Variants in TRIM66 observed in about 807,000 individuals in gnomAD.
The protein encoded by TRIM66 is tripartite motif containing 66, also known as tripartite motif-containing protein 66.
A neutral mutation model predicts 148.2 loss-of-function variants in TRIM66; 99 were observed. The observed-to-expected ratio is 0.67, with a 90% CI of 0.57 to 0.79. The LOEUF (loss-of-function observed/expected upper bound fraction) is 0.79, where lower values mean the gene tolerates loss of function less well. Among genes scored for constraint, TRIM66 ranks in the 30% least tolerant of loss-of-function variants. The pLI is 0.00. For missense variants in TRIM66, 1,666 were observed against 1,697.9 expected (o/e 0.98, Z 0.33); for synonymous variants, 616 against 635.9 (o/e 0.97, Z 0.47).
intron 15 of TRIM66, among the ~76,000 whole-genome samples, chr11:8,638,303 G>A (rs1193325526): frequency 6.6e-6 from 1 of 152,234 alleles, no homozygotes; most frequent in African/African-American, 2.4e-5. Context: ...CAATGGGGAT[G>A]CTCACTTCCA....
intron 15 of TRIM66, among the ~76,000 whole-genome samples, chr11:8,633,702 A>G (rs535034067): frequency 3.3e-5 from 5 of 152,180 alleles, no homozygotes; most frequent in Non-Finnish European, 5.9e-5. Flanking sequence ...AGGACCCACA[A>G]TCTGATCCAT....
chr11:8,618,661 C>A (rs983120942), intron 24 of TRIM66, 89 bp downstream of exon 24: 24 of 1,259,514 alleles, frequency 1.9e-5, no homozygotes, highest in Non-Finnish European at 2.4e-5. Context: ...TTTGCACCAC[C>A]CGAACAGCTT....
intron 10 of TRIM66, among the ~76,000 whole-genome samples, chr11:8,647,096 TATAATGTTTATTATAAACATATA>T (rs1565531603): frequency 2.0e-5 from 3 of 149,382 alleles, no homozygotes; most frequent in South Asian, 4.2e-4. Flanking sequence ...AAACATATAA[TATAATGTTTATTATAAACATATA>T]ATAATGTTTA....
chr11:8,622,365 C>CAT (rs1217954064), intron 18 of TRIM66, among the ~76,000 whole-genome samples: 7,623 of 59,902 alleles, frequency 0.13, 1,326 homozygotes, highest in Middle Eastern at 0.28. Context: ...CACACACACA[C>CAT]ATATATATAT....
At position 8,622,365 on chromosome 11, in the gene TRIM66, C is replaced by CACACACACACATATATAT; in HGVS notation, c.3080+450_3080+451insATATATATGTGTGTGTGT. 4.0e-3 allele frequency among the ~76,000 whole-genome samples: 239 copies of CACACACACACATATATAT among 59,588 alleles called. 25 individuals are homozygous for CACACACACACATATATAT. Among genetic ancestry groups the CACACACACACATATATAT allele is most frequent in the Middle Eastern group, 0.017 (2 of 120 alleles). 39.1% of individuals were successfully genotyped at this position (59,588 alleles called of 152,430 possible). A position where few individuals can be genotyped will look rare whatever the true frequency, so the allele number is the denominator to read the frequency against. ...ACACACACACACACACACACACACA[C>CACACACACACATATATAT]ATATATATATATATATATCTCCTAC... On this transcript the variant is annotated intron_variant, in intron 18 of 24. Coordinates refer to ENST00000646038, the MANE Select transcript of TRIM66 (RefSeq NM_001388022.1).
At chr11:8,667,688 C>A (rs1451204291) in intron 6 of TRIM66, among the ~76,000 whole-genome samples, 1 of 152,214 alleles carries the variant, frequency 6.6e-6, no homozygotes, top group Non-Finnish European at 1.5e-5. Context: ...GACAGGCTTA[C>A]CTCATTTAGC....
rs143841252 is a variant in TRIM66 at position 8,676,520 on chromosome 11, G to A, written c.-189-1637C>T. On this transcript the variant is annotated intron_variant, in intron 3 of 24. Coordinates refer to ENST00000646038, the MANE Select transcript of TRIM66 (RefSeq NM_001388022.1). Reference sequence around the variant, plus strand: ...TGCATCACAATCCTGGGAATTCAGGGAGGTAGCATGGCTTTCCACCACCAG... The same window carrying A: ...TGCATCACAATCCTGGGAATTCAGGAAGGTAGCATGGCTTTCCACCACCAG... Among the ~76,000 whole-genome samples, 1,092 of 152,258 alleles carry A rather than the reference G, an allele frequency of 7.2e-3. 11 individuals carry two copies. Among genetic ancestry groups the A allele is most frequent in the African/African-American group, 0.025 (1,044 of 41,544 alleles).
chr11:8,627,114 T>C (rs2034924664), intron 15 of TRIM66, among the ~76,000 whole-genome samples: 1 of 152,250 alleles, frequency 6.6e-6, no homozygotes, highest in Non-Finnish European at 1.5e-5. Context: ...CAATCCGTGA[T>C]ATCATTTGAT....
intron 6 of TRIM66, among the ~76,000 whole-genome samples, chr11:8,655,782 C>CA (rs1227743498): frequency 1.3e-5 from 2 of 148,688 alleles, no homozygotes; most frequent in South Asian, 2.1e-4. Context: ...ACTCTGTCTC[C>CA]AAAAAAAATT....
At chr11:8,679,010 G>A (rs2039304164) in intron 3 of TRIM66, 1 of 152,244 alleles carries the variant, frequency 6.6e-6, no homozygotes, top group African/African-American at 2.4e-5. Context: ...AGGAAGCCCA[G>A]ATGCCTGAGA....
chr11:8,668,928 T>C (rs774837491), intron 6 of TRIM66, among the ~76,000 whole-genome samples: 4 of 152,146 alleles, frequency 2.6e-5, no homozygotes, highest in Non-Finnish European at 4.4e-5. Flanking sequence ...ACATTGCAGA[T>C]CTCCTGAGGT....
chr11:8,640,320 AGGAGATTT>A lies in TRIM66; in HGVS notation c.2047_2054del (p.Lys683SerfsTer35). 1 of 1,551,626 alleles carries A rather than the reference AGGAGATTT, an allele frequency of 6.4e-7. No homozygotes were observed. The highest frequency in any genetic ancestry group is 8.7e-7 in the Non-Finnish European group (1 of 1,146,952). ...CCACAATGGTTTGCTGAAGATGCTG[AGGAGATTT>A]GGTCTGACTCAGTTGCAGGCTGGGC... On this transcript the variant is annotated frameshift_variant, in exon 14 of 25. Coordinates refer to ENST00000646038, the MANE Select transcript of TRIM66 (RefSeq NM_001388022.1). LOFTEE classifies it high-confidence loss of function.
rs2036256770 is a variant in TRIM66 at position 8,640,342 on chromosome 11, T to A, written c.2033A>T (p.Gln678Leu). The change falls in exon 14 of 25, where the codon CAA (glutamine) becomes CTA (leucine). Residue 678 changes from glutamine (Q) to leucine (L), a missense_variant. Physicochemically the swap from Gln to Leu is moderately radical, Grantham distance 113. This residue lies in a region of TRIM66 where 1,431 missense variants were observed against 1,412.4 expected (regional missense o/e 1.01). Transcript: ENST00000646038. ...LLLQAQQPSLQLSQTKSPQHL... is the reference protein window; with the variant it reads ...LLLQAQQPSLLLSQTKSPQHL... Reference sequence around the variant, plus strand: ...CTGAGGAGATTTGGTCTGACTCAGTTGCAGGCTGGGCTGTTGAGCCTGGAG... The same window carrying A: ...CTGAGGAGATTTGGTCTGACTCAGTAGCAGGCTGGGCTGTTGAGCCTGGAG... 2 of 1,551,790 alleles carry A rather than the reference T, an allele frequency of 1.3e-6. No individual in the cohort carries two copies. The highest frequency in any genetic ancestry group is 1.7e-6 in the Non-Finnish European group (2 of 1,147,042).
At position 8,669,027 on chromosome 11, in the gene TRIM66, T is replaced by C. The variant is rs115831081; in HGVS notation, c.340+2759A>G. Among the ~76,000 whole-genome samples, 1,419 of 152,284 alleles carry C rather than the reference T, an allele frequency of 9.3e-3. 25 individuals carry two copies. The highest frequency in any genetic ancestry group is 0.032 in the African/African-American group (1,324 of 41,540). On this transcript the variant is annotated intron_variant, in intron 6 of 24. Coordinates refer to ENST00000646038, the MANE Select transcript of TRIM66 (RefSeq NM_001388022.1). ...ACAATACAGATTCAAAGGAAACAAA[T>C]AGACTTCACCTCTTGGTGGGATGGG...
In TRIM66 at chr11:8,646,528, C is replaced by T. The variant is rs1320016629; in HGVS notation, c.876G>A (p.Val292=). The T allele has an allele frequency of 6.4e-7, 1 of 1,551,940 alleles. No homozygotes were observed. Among genetic ancestry groups the T allele is most frequent in the South Asian group, 1.2e-5 (1 of 84,060 alleles). Reference sequence around the variant, plus strand: ...TCTTGGCCATTTTGATCTGGTTTTCCACCTTCCTATGCTGATGCTTCACTT... The same window carrying T: ...TCTTGGCCATTTTGATCTGGTTTTCTACCTTCCTATGCTGATGCTTCACTT... ...IFEVKHQHRK[V]ENQIKMAKMV... The change falls in exon 11 of 25, where the codon GTG becomes GTA. Residue 292 remains valine, a synonymous_variant. Transcript: ENST00000646038.
At chr11:8,619,273 C>G (rs1272523351) in intron 23 of TRIM66, 110 bp downstream of exon 23, 1 of 1,286,404 alleles carries the variant, frequency 7.8e-7, no homozygotes, top group Non-Finnish European at 1.0e-6. Flanking sequence ...AGAATCTGCT[C>G]CCCAGTCCTC....
At chr11:8,670,283 A>T (rs2038861730) in intron 6 of TRIM66, among the ~76,000 whole-genome samples, 1 of 152,108 alleles carries the variant, frequency 6.6e-6, no homozygotes, top group South Asian at 2.1e-4. Context: ...AAGTGCTGGG[A>T]TTATAGGCGT....
chr11:8,677,057 G>A (rs936030840), intron 3 of TRIM66, among the ~76,000 whole-genome samples: 1 of 152,152 alleles, frequency 6.6e-6, no homozygotes, highest in Non-Finnish European at 1.5e-5. Context: ...ATTTACTGGA[G>A]TACCTTAACC....
rs1045615325 is a variant in TRIM66 at position 8,620,440 on chromosome 11, C to T, written c.3672+6G>A. ...GGGAACCTTGTTTCCAAAGACTCCT[C>T]CCTACCTTCTGGTCATACATGCTTA... is the stretch of plus-strand genomic sequence containing the variant. On this transcript the variant is annotated splice_donor_region_variant and intron_variant, in intron 21 of 24. Coordinates refer to ENST00000646038, the MANE Select transcript of TRIM66 (RefSeq NM_001388022.1). 3.2e-6 allele frequency: 5 copies of T among 1,551,558 alleles called. No homozygotes were observed. In the East Asian group the frequency reaches 9.8e-5, roughly 30 times the overall value.
Sources: allele counts gnomAD v4.1 joint callset (sites outside exome capture counted in the v4.1 genomes callset), GRCh38; gene constraint gnomAD v4.1.1; regional missense constraint gnomAD v4.1.1; transcripts MANE v1.5; gene names NCBI Gene and HGNC (gene_info 2026-07-23, HGNC 2026-07-21).